Variants in FRMPD4 observed in about 807,000 individuals in gnomAD.
FRMPD4 encodes FERM and PDZ domain containing 4.
FRMPD4 carries 22 observed loss-of-function variants against 94.1 expected under a neutral mutation model. That is an observed-to-expected ratio of 0.23 (90% CI 0.17 to 0.33). The LOEUF (loss-of-function observed/expected upper bound fraction) is 0.33. Among genes scored for constraint, FRMPD4 ranks in the 10% least tolerant of loss-of-function variants. The probability of loss-of-function intolerance (pLI) is 1.00; values close to 1 mark genes in which losing one functional copy is unlikely to be tolerated. For missense variants in FRMPD4, 1,111 were observed against 1,339.9 expected (o/e 0.83, Z 2.67); for synonymous variants, 631 against 548.6 (o/e 1.15, Z -2.10).
intron 1 of FRMPD4, among the ~76,000 whole-genome samples, chrX:12,150,702 G>A (rs2055836717): frequency 9.0e-6 from 1 of 111,489 alleles, no homozygotes; most frequent in East Asian, 2.8e-4. Context: ...TTTAAGTATT[G>A]TAAAATATTA....
intron 1 of FRMPD4, among the ~76,000 whole-genome samples, chrX:12,288,483 G>A (rs1284192613): frequency 1.8e-5 from 2 of 111,490 alleles, no homozygotes; most frequent in African/African-American, 6.5e-5. Context: ...GTTTTGGTGT[G>A]TCTATCTTAT....
chrX:12,062,601 C>G, intron 3 of FRMPD4, among the ~76,000 whole-genome samples: 1 of 111,529 alleles, frequency 9.0e-6, no homozygotes, highest in East Asian at 2.8e-4. Flanking sequence ...GTCATTCTCT[C>G]TCCTCAGCAG....
At chrX:12,226,240 G>A (rs1228128235) in intron 1 of FRMPD4, among the ~76,000 whole-genome samples, 1 of 111,208 alleles carries the variant, frequency 9.0e-6, no homozygotes, top group Non-Finnish European at 1.9e-5. Flanking sequence ...AAGTAGCTGG[G>A]ACGACAGTTG....
chrX:12,631,282 T>C (rs996532444), intron 4 of FRMPD4, among the ~76,000 whole-genome samples: 2 of 111,599 alleles, frequency 1.8e-5, no homozygotes, highest in African/African-American at 6.5e-5. Flanking sequence ...GTACTCAGAA[T>C]AGAATTGGAA....
At chrX:12,536,546 T>G (rs1191424699) in intron 2 of FRMPD4, among the ~76,000 whole-genome samples, 1 of 111,667 alleles carries the variant, frequency 9.0e-6, no homozygotes, top group Non-Finnish European at 1.9e-5. Context: ...TTAAACCTAC[T>G]TGAACAATAA....
At chrX:12,109,068 C>T (rs374078364) in intron 3 of FRMPD4, among the ~76,000 whole-genome samples, 99 of 111,526 alleles carry the variant, frequency 8.9e-4, no homozygotes, top group African/African-American at 2.9e-3. Flanking sequence ...CTGCACCAAG[C>T]GGACCTAATA....
chrX:12,576,709 C>G (rs1449840150), intron 2 of FRMPD4, among the ~76,000 whole-genome samples: 1 of 112,742 alleles, frequency 8.9e-6, no homozygotes, highest in Non-Finnish European at 1.9e-5. Flanking sequence ...GGATGGGGCT[C>G]TTTCCACACC....
At chrX:12,212,730 T>A (rs1359733307) in intron 1 of FRMPD4, among the ~76,000 whole-genome samples, 3 of 112,096 alleles carry the variant, frequency 2.7e-5, no homozygotes, top group East Asian at 5.6e-4. Context: ...GTCAATTATT[T>A]GATAATTGCT....
intron 2 of FRMPD4, among the ~76,000 whole-genome samples, chrX:12,550,591 A>G (rs1313046337): frequency 9.0e-6 from 1 of 111,662 alleles, no homozygotes; most frequent in Admixed American, 9.5e-5. Flanking sequence ...TTTTGAAAGC[A>G]CTTTTCCAAC....
At position 11,916,130 on chromosome X, in the gene FRMPD4, G is replaced by T. The variant is rs189261713; in HGVS notation, c.95+38112G>T. On this transcript the variant is annotated intron_variant, in intron 3 of 18. Coordinates refer to the FRMPD4 transcript ENST00000640291. ...AAGAAGGGAAGTGGATGGGGAGGGGGAGGGTATTCCAGGCATGTGGAACAG... is the reference window on the plus strand; with the variant it reads ...AAGAAGGGAAGTGGATGGGGAGGGGTAGGGTATTCCAGGCATGTGGAACAG... Among the ~76,000 whole-genome samples the T allele has an allele frequency of 4.2e-4, 47 of 110,681 alleles. No individual in the cohort carries two copies. In the Admixed American group the frequency reaches 4.5e-3, roughly 11 times the overall value.
chrX:12,686,251 C>G, intron 7 of FRMPD4, 47 bp downstream of exon 7: 1 of 599,033 alleles, frequency 1.7e-6, no homozygotes, highest in Non-Finnish European at 2.8e-6. Flanking sequence ...TCAGGTACAA[C>G]ATGCAGGACA....
chrX:11,932,291 CAATA>C (rs1402843735), intron 3 of FRMPD4, among the ~76,000 whole-genome samples: 1 of 111,854 alleles, frequency 8.9e-6, no homozygotes, highest in East Asian at 2.8e-4. Context: ...GTTTTAAAGT[CAATA>C]TATATATTTC....
intron 4 of FRMPD4, among the ~76,000 whole-genome samples, chrX:12,660,359 T>C (rs1350118874): frequency 8.9e-6 from 1 of 112,077 alleles, no homozygotes; most frequent in Non-Finnish European, 1.9e-5. Flanking sequence ...GGTCTGCTTC[T>C]CCTCTAAGTT....
In FRMPD4 at chrX:11,844,338, T is replaced by C. The variant is rs962597534; in HGVS notation, c.-160-20748T>C. On this transcript the variant is annotated intron_variant, in intron 1 of 18. Transcript: ENST00000640291. Reference sequence around the variant, plus strand: ...TTTACGTGCTTGCTTATTTCTTTATTTCACCCTTATTTTTGGAGGATTTTT... The same window carrying C: ...TTTACGTGCTTGCTTATTTCTTTATCTCACCCTTATTTTTGGAGGATTTTT... Among the ~76,000 whole-genome samples, 4 of 110,977 alleles carry C rather than the reference T, an allele frequency of 3.6e-5. No homozygotes were observed. The South Asian group carries it at 1.5e-3, about 42-fold the overall frequency.
rs760368646 is a variant in FRMPD4, at chrX:12,558,700, T to G, written c.159-51021T>G. Among the ~76,000 whole-genome samples the G allele has an allele frequency of 3.4e-3, 377 of 111,998 alleles. 1 individual carries two copies. The highest frequency in any genetic ancestry group is 5.9e-3 in the Non-Finnish European group (316 of 53,176). ...AAAAGGCTAAGCAAAAGCAGTATCTTTCAGGAGACATCAGTGATAGTTACT... is the reference window on the plus strand; with the variant it reads ...AAAAGGCTAAGCAAAAGCAGTATCTGTCAGGAGACATCAGTGATAGTTACT... On this transcript the variant is annotated intron_variant, in intron 2 of 16. Transcript: ENST00000675598.
intron 1 of FRMPD4, among the ~76,000 whole-genome samples, chrX:12,313,305 G>C (rs1380876557): frequency 8.9e-6 from 1 of 112,518 alleles, no homozygotes; most frequent in Admixed American, 9.4e-5. Flanking sequence ...TGTAGATTTA[G>C]GGATGGAATC....
intron 2 of FRMPD4, among the ~76,000 whole-genome samples, chrX:12,575,451 T>G (rs1383803306): frequency 1.8e-5 from 2 of 111,152 alleles, no homozygotes; most frequent in African/African-American, 6.6e-5. Context: ...AAGGAACCTT[T>G]TAGCATTGAA....
chrX:12,219,092 G>C (rs2056836655), intron 1 of FRMPD4, among the ~76,000 whole-genome samples: 1 of 111,901 alleles, frequency 8.9e-6, no homozygotes, highest in Admixed American at 9.5e-5. Context: ...ATTTGGGCTG[G>C]GCACCGTGGC....
At chrX:11,964,382 G>A (rs1039906832) in intron 3 of FRMPD4, among the ~76,000 whole-genome samples, 3 of 110,704 alleles carry the variant, frequency 2.7e-5, no homozygotes, top group Non-Finnish European at 3.8e-5. Context: ...GGATGGTCTC[G>A]ATCTCCTGAC....
Sources: allele counts gnomAD v4.1 joint callset (sites outside exome capture counted in the v4.1 genomes callset), GRCh38; gene constraint gnomAD v4.1.1; transcripts MANE v1.5; gene names NCBI Gene and HGNC (gene_info 2026-07-23, HGNC 2026-07-21).